LIX1: variants seen among roughly 807,000 people sequenced by gnomAD.
LIX1 encodes the protein protein limb expression 1 homolog.
LIX1 carries 24 observed loss-of-function variants against 33.4 expected under a neutral mutation model. That is an observed-to-expected ratio of 0.72 (90% confidence interval 0.52 to 1.01). The LOEUF is 1.01. LIX1 is among the 50% of genes least tolerant of loss of function. The pLI is 0.00. For missense variants in LIX1, 311 were observed against 339.2 expected, an observed-to-expected ratio of 0.92 and a Z score of 0.65; for synonymous variants, 124 against 124.0, an observed-to-expected ratio of 1.00 and a Z score of 0.00.
intron 2 of LIX1, among the ~76,000 whole-genome samples, chr5:97,117,265 C>A (rs572389126): frequency 6.6e-6 from 1 of 152,258 alleles, no homozygotes; most frequent in East Asian, 1.9e-4. Context: ...AGCATGTCGT[C>A]CATCTGAGTC....
At chr5:97,099,605 G>A (rs1746578655) in intron 4 of LIX1, among the ~76,000 whole-genome samples, 1 of 152,030 alleles carries the variant, frequency 6.6e-6, no homozygotes. Flanking sequence ...GGGAGGCTGC[G>A]GCAGGTGGAT....
chr5:97,113,599 A>G (rs1747525769), intron 2 of LIX1, among the ~76,000 whole-genome samples: 1 of 152,170 alleles, frequency 6.6e-6, no homozygotes, highest in Admixed American at 6.5e-5. Flanking sequence ...ATACATCCCA[A>G]GGTCATGCAC....
At chr5:97,123,658 C>T (rs1747840614) in intron 2 of LIX1, among the ~76,000 whole-genome samples, 2 of 152,192 alleles carry the variant, frequency 1.3e-5, no homozygotes, top group South Asian at 4.1e-4. Context: ...CAGAATCCTT[C>T]AAAGGTTCTG....
Position 97,094,857 on chromosome 5 carries a change from T to C in LIX1, c.740A>G (p.Glu247Gly). The part of the protein sequence containing the change: ...KAGQELRFYK[E>G]KKEILSLALT... ...GGCTAAGCTCAATATTTCTTTCTTT[T>C]CTTTGTAAAACCGTAGTTCTTGTCC... Residue 247 changes from glutamate (E) to glycine (G), a missense_variant, in exon 6 of 6, where the codon GAA (glutamate) becomes GGA (glycine). Physicochemically the swap from Glu to Gly is moderately conservative, Grantham distance 98. Coordinates refer to ENST00000274382, the MANE Select transcript of LIX1 (RefSeq NM_153234.5). 6.8e-6 allele frequency: 11 copies of C among 1,614,224 alleles called. No homozygotes were observed. Among genetic ancestry groups the C allele is most frequent in the East Asian group, 2.2e-5 (1 of 44,888 alleles).
chr5:97,107,897 T>A (rs1747144188), intron 2 of LIX1, among the ~76,000 whole-genome samples: 1 of 152,232 alleles, frequency 6.6e-6, no homozygotes, highest in Non-Finnish European at 1.5e-5. Flanking sequence ...GCAAGGAATC[T>A]GGAAATACTT....
chr5:97,132,095 A>G (rs1012499664), intron 1 of LIX1, among the ~76,000 whole-genome samples: 6 of 152,222 alleles, frequency 3.9e-5, no homozygotes, highest in Non-Finnish European at 8.8e-5. Flanking sequence ...GTTGAAAAGA[A>G]TTGAAAAATA....
rs546808694 is a variant in LIX1 at position 97,119,853 on chromosome 5, G to GCAAAAA, written c.246+4607_246+4612dup. Among the ~76,000 whole-genome samples the GCAAAAA allele has an allele frequency of 2.6e-3, 401 of 151,774 alleles. 1 individual carries two copies. Among genetic ancestry groups the GCAAAAA allele is most frequent in the Non-Finnish European group, 4.3e-3 (294 of 67,920 alleles). On this transcript the variant is annotated intron_variant, in intron 2 of 5. Transcript: ENST00000274382. ...AGGAAAATTTATACTTCTCCGGGTA[G>GCAAAAA]CAAAAACAAAAACAAAAACAATAAC...
chr5:97,135,574 T>C (rs968558212), intron 1 of LIX1, among the ~76,000 whole-genome samples: 2 of 152,180 alleles, frequency 1.3e-5, no homozygotes, highest in African/African-American at 4.8e-5. Flanking sequence ...ATCCCAGCAC[T>C]CTGGGAGGCC....
At chr5:97,102,564 G>T (rs1386582716) in intron 4 of LIX1, among the ~76,000 whole-genome samples, 1 of 152,104 alleles carries the variant, frequency 6.6e-6, no homozygotes, top group Non-Finnish European at 1.5e-5. Context: ...TCCTTTAGGA[G>T]AATTTATGAA....
chr5:97,123,666 C>A (rs1561501341), intron 2 of LIX1, among the ~76,000 whole-genome samples: 1 of 152,208 alleles, frequency 6.6e-6, no homozygotes, highest in Non-Finnish European at 1.5e-5. Context: ...TTCAAAGGTT[C>A]TGATTTTATA....
At position 97,114,006 on chromosome 5, in the gene LIX1, A is replaced by G. The variant is rs1431841299; in HGVS notation, c.247-6506T>C. On this transcript the variant is annotated intron_variant, in intron 2 of 5. Coordinates refer to ENST00000274382, the MANE Select transcript of LIX1 (RefSeq NM_153234.5). ...TCTCCTTTGGATGCTTTCCTGGACT[A>G]TAGGGAGAAGGAAAATAGAGAAAGG... 3.3e-5 allele frequency among the ~76,000 whole-genome samples: 5 copies of G among 152,250 alleles called. No homozygotes were observed. In the East Asian group the frequency reaches 9.7e-4, roughly 29 times the overall value.
chr5:97,127,684 G>T (rs1298242097), intron 1 of LIX1, among the ~76,000 whole-genome samples: 1 of 152,222 alleles, frequency 6.6e-6, no homozygotes, highest in Non-Finnish European at 1.5e-5. Flanking sequence ...AATATGAGCA[G>T]AGGTTCAAGA....
chr5:97,127,413 A>T (rs1430589564), intron 1 of LIX1, among the ~76,000 whole-genome samples: 5 of 152,206 alleles, frequency 3.3e-5, no homozygotes, highest in South Asian at 2.1e-4. Context: ...TGCAATTTTG[A>T]AAGATTTCTC....
chr5:97,125,207 G>A (rs1327832375), intron 1 of LIX1, among the ~76,000 whole-genome samples: 1 of 152,192 alleles, frequency 6.6e-6, no homozygotes, highest in Non-Finnish European at 1.5e-5. Flanking sequence ...CTAATAACAT[G>A]AAGACCTTGT....
rs964352938 is a variant in LIX1 at position 97,101,445 on chromosome 5, A to C, written c.483+3745T>G. 1.2e-4 allele frequency among the ~76,000 whole-genome samples: 19 copies of C among 152,266 alleles called. No individual in the cohort carries two copies. In the East Asian group the frequency reaches 3.1e-3, roughly 25 times the overall value. On this transcript the variant is annotated intron_variant, in intron 4 of 5. Coordinates refer to ENST00000274382, the MANE Select transcript of LIX1 (RefSeq NM_153234.5). ...TCTTGAAATTCTTGGTAATTTTTGA[A>C]CAAGGGCCCCTGGATTTTCATTTTG...
chr5:97,130,447 C>T (rs1250353792), intron 1 of LIX1, among the ~76,000 whole-genome samples: 1 of 152,348 alleles, frequency 6.6e-6, no homozygotes, highest in East Asian at 1.9e-4. Context: ...ATAAATCAGC[C>T]ATACAGCGAA....
intron 2 of LIX1, among the ~76,000 whole-genome samples, chr5:97,113,862 A>T (rs1747543619): frequency 6.6e-6 from 1 of 152,172 alleles, no homozygotes; most frequent in Admixed American, 6.5e-5. Flanking sequence ...CCCATGACAA[A>T]CTTGACTTCA....
chr5:97,105,217 G>A lies in LIX1; in HGVS notation c.456C>T (p.Asn152=). ...GAAACTCCAGCATAGTCTTCCCCAT[G>A]TTTGACTCCAGCATGTAGTGATAGG... ...VGAYHYMLES[N]MGKTMLEFQE... Residue 152 remains asparagine, a synonymous_variant, in exon 4 of 6, where the codon AAC becomes AAT. Transcript: ENST00000274382. 6.2e-7 allele frequency: 1 copy of A among 1,614,128 alleles called. No individual in the cohort carries two copies. Among genetic ancestry groups the A allele is most frequent in the East Asian group, 2.2e-5 (1 of 44,880 alleles).
intron 2 of LIX1, among the ~76,000 whole-genome samples, chr5:97,111,200 G>C (rs112245941): frequency 6.6e-6 from 1 of 152,070 alleles, no homozygotes; most frequent in Non-Finnish European, 1.5e-5. Flanking sequence ...GTTGTCTCCC[G>C]CCTCCTGTGA....
Sources: gnomAD v4.1 joint callset for allele counts (sites outside exome capture counted in the v4.1 genomes callset) on GRCh38, gnomAD v4.1.1 for gene constraint, MANE v1.5 for transcripts, NCBI Gene and HGNC (gene_info 2026-07-23, HGNC 2026-07-21) for gene names.